The following SPIDR variants were observed in gnomAD, a reference collection of about 807,000 sequenced individuals.
The protein encoded by SPIDR is DNA repair-scaffolding protein.
Under a neutral mutation model 104.6 loss-of-function variants are expected in SPIDR, and 93 were observed. The ratio of observed to expected loss-of-function variants is 0.89; its 90% CI spans 0.75 to 1.06. SPIDR has a LOEUF of 1.06. SPIDR is among the 50% of genes least tolerant of loss of function. The pLI is 0.00. For missense variants in SPIDR, 1,154 were observed against 1,111.2 expected (o/e 1.04, Z -0.55); for synonymous variants, 431 against 416.9 (o/e 1.03, Z -0.41).
intron 11 of SPIDR, among the ~76,000 whole-genome samples, chr8:47,699,449 A>G (rs1050829068): frequency 6.6e-6 from 1 of 152,228 alleles, no homozygotes; most frequent in Admixed American, 6.5e-5. Context: ...GGGCTCAGGT[A>G]AAGGTTAGAG....
chr8:47,652,061 A>G (rs941871539), intron 10 of SPIDR, among the ~76,000 whole-genome samples: 1 of 152,228 alleles, frequency 6.6e-6, no homozygotes, highest in Non-Finnish European at 1.5e-5. Context: ...CTTCAACACT[A>G]TACAATTCAT....
rs556387700 is a variant in SPIDR at position 47,576,237 on chromosome 8, C to T, written c.1098-19574C>T. ...CACAATTTCAGCTCACTGCAGCCTC[C>T]GCCTCCGGGGTTCAAGCAGTTCTCC... On this transcript the variant is annotated intron_variant, in intron 8 of 19. Coordinates refer to ENST00000297423, the MANE Select transcript of SPIDR (RefSeq NM_001080394.4). Among the ~76,000 whole-genome samples, 10 of 151,782 alleles carry T rather than the reference C, an allele frequency of 6.6e-5. No homozygotes were observed. The East Asian group carries it at 9.7e-4, about 15-fold the overall frequency.
rs938956525 is a variant in SPIDR at position 47,712,856 on chromosome 8, C to T, written c.2172C>T (p.Asp724=). The part of the protein sequence containing the change: ...GAAPHSLFFK[D]ALRDQGRIVC... ...CCCCTCACAGCCTCTTCTTCAAGGA[C>T]GCTCTCCGTGACCAGGGTGTGCTTG... The change falls in exon 15 of 20, where the codon GAC becomes GAT. Residue 724 remains aspartate (D), a synonymous_variant. Coordinates refer to ENST00000297423, the MANE Select transcript of SPIDR (RefSeq NM_001080394.4). The T allele has an allele frequency of 2.0e-5, 32 of 1,613,938 alleles. No homozygotes were observed. Among genetic ancestry groups the T allele is most frequent in the Middle Eastern group, 1.7e-4 (1 of 5,988 alleles).
In SPIDR at chr8:47,315,120, G is replaced by C. The variant is rs140855639; in HGVS notation, c.525+21090G>C. 1.1e-3 allele frequency among the ~76,000 whole-genome samples: 170 copies of C among 152,138 alleles called. 1 individual carries two copies. The highest frequency in any genetic ancestry group is 4.0e-3 in the African/African-American group (166 of 41,532). Reference sequence around the variant, plus strand: ...TACCTAATAAGATCTACAGTCATAGGTGGAAATTTTAACACTACTCTGTAA... The same window carrying C: ...TACCTAATAAGATCTACAGTCATAGCTGGAAATTTTAACACTACTCTGTAA... On this transcript the variant is annotated intron_variant, in intron 5 of 19. Transcript: ENST00000297423.
At chr8:47,335,449 T>C (rs1587201830) in intron 5 of SPIDR, among the ~76,000 whole-genome samples, 1 of 152,164 alleles carries the variant, frequency 6.6e-6, no homozygotes, top group African/African-American at 2.4e-5. Context: ...TTTTTGTTTG[T>C]TTGTTTTGGT....
chr8:47,396,889 G>A (rs2154312249), intron 6 of SPIDR, among the ~76,000 whole-genome samples: 1 of 152,268 alleles, frequency 6.6e-6, no homozygotes, highest in South Asian at 2.1e-4. Context: ...GTGTGTAATT[G>A]TTCTGTTCTT....
At chr8:47,350,729 A>G (rs1035227206) in intron 5 of SPIDR, among the ~76,000 whole-genome samples, 14 of 152,330 alleles carry the variant, frequency 9.2e-5, no homozygotes, top group Admixed American at 6.5e-4. Context: ...ATGGTCAAGA[A>G]TGGCTGGCTT....
At chr8:47,689,426 C>T (rs1205864560) in intron 11 of SPIDR, among the ~76,000 whole-genome samples, 1 of 152,148 alleles carries the variant, frequency 6.6e-6, no homozygotes, top group African/African-American at 2.4e-5. Flanking sequence ...CAATTAGGTC[C>T]GTTTTGTGTG....
At chr8:47,360,962 A>G (rs1053342151) in intron 5 of SPIDR, 1 of 985,188 alleles carries the variant, frequency 1.0e-6, no homozygotes, top group Non-Finnish European at 1.2e-6. Context: ...GAGCATTCAC[A>G]TATTATTTCA....
intron 5 of SPIDR, among the ~76,000 whole-genome samples, chr8:47,308,785 T>G (rs951505488): frequency 6.6e-6 from 1 of 152,176 alleles, no homozygotes; most frequent in African/African-American, 2.4e-5. Context: ...AGAGGGTCCT[T>G]TTTGCCTGTC....
At chr8:47,444,719 G>A (rs1554700173) in intron 8 of SPIDR, among the ~76,000 whole-genome samples, 1 of 152,106 alleles carries the variant, frequency 6.6e-6, no homozygotes, top group Non-Finnish European at 1.5e-5. Context: ...AATACCAGTG[G>A]GTTTTGAGCC....
chr8:47,477,191 A>C (rs1157844289), intron 8 of SPIDR, among the ~76,000 whole-genome samples: 1 of 151,466 alleles, frequency 6.6e-6, no homozygotes, highest in African/African-American at 2.4e-5. Context: ...CTGTATATAG[A>C]AGATGCGCAA....
intron 10 of SPIDR, among the ~76,000 whole-genome samples, chr8:47,651,521 T>C (rs1462881588): frequency 1.3e-5 from 2 of 152,082 alleles, no homozygotes; most frequent in Non-Finnish European, 2.9e-5. Flanking sequence ...TTAGTACAGG[T>C]CTATGGAAAA....
intron 5 of SPIDR, among the ~76,000 whole-genome samples, chr8:47,343,296 G>A (rs189691812): frequency 1.4e-4 from 21 of 152,210 alleles, no homozygotes; most frequent in African/African-American, 3.9e-4. Flanking sequence ...TTGTGTTAGG[G>A]GAGAGACTCG....
intron 7 of SPIDR, among the ~76,000 whole-genome samples, chr8:47,434,873 A>G (rs559225402): frequency 2.0e-5 from 3 of 152,346 alleles, no homozygotes; most frequent in Non-Finnish European, 4.4e-5. Flanking sequence ...GACTACCTGT[A>G]TATTTCAACA....
chr8:47,543,169 T>C (rs927840231), intron 8 of SPIDR, among the ~76,000 whole-genome samples: 3 of 152,214 alleles, frequency 2.0e-5, no homozygotes, highest in African/African-American at 7.2e-5. Context: ...GTTTTCACTT[T>C]TCTGGGATAA....
chr8:47,471,754 G>A lies in SPIDR; in HGVS notation c.1097+31212G>A, dbSNP rs139363580. On this transcript the variant is annotated intron_variant, in intron 8 of 19. Transcript: ENST00000297423. ...TATAAAAAGAAGGGAGCAATTAAAAGTTATTATTGGCTACTTCTTCTCTGG... is the reference window on the plus strand; with the variant it reads ...TATAAAAAGAAGGGAGCAATTAAAAATTATTATTGGCTACTTCTTCTCTGG... 2.8e-3 allele frequency among the ~76,000 whole-genome samples: 420 copies of A among 152,254 alleles called. 1 individual carries two copies. The highest frequency in any genetic ancestry group is 9.9e-3 in the African/African-American group (410 of 41,550).
intron 14 of SPIDR, among the ~76,000 whole-genome samples, chr8:47,704,543 C>T (rs1348073164): frequency 2.6e-5 from 4 of 152,178 alleles, no homozygotes; most frequent in Non-Finnish European, 2.9e-5. Context: ...CACACCCCCA[C>T]CCCCAACCAC....
At chr8:47,263,719 A>G (rs1293977435) in intron 1 of SPIDR, among the ~76,000 whole-genome samples, 2 of 152,132 alleles carry the variant, frequency 1.3e-5, no homozygotes, top group Admixed American at 1.3e-4. Context: ...TTGGTTTGGA[A>G]TAATGCCAGT....
Sources: allele counts gnomAD v4.1 joint callset (sites outside exome capture counted in the v4.1 genomes callset), GRCh38; gene constraint gnomAD v4.1.1; transcripts MANE v1.5; gene names NCBI Gene and HGNC (gene_info 2026-07-23, HGNC 2026-07-21).